SPPL3: variants seen among roughly 807,000 people sequenced by gnomAD.
SPPL3 encodes the protein signal peptide peptidase-like 3.
Under a neutral mutation model 42.4 loss-of-function variants are expected in SPPL3, and 5 were observed. The observed-to-expected ratio is 0.12, with a 90% CI of 0.06 to 0.25. The LOEUF is 0.25. Among genes scored for constraint, SPPL3 ranks in the 10% least tolerant of loss-of-function variants. The probability of loss-of-function intolerance (pLI) is 1.00; values close to 1 mark genes in which losing one functional copy is unlikely to be tolerated. For synonymous variants in SPPL3, 195 were observed against 181.8 expected (o/e 1.07, Z -0.58); for missense variants, 235 against 489.0 (o/e 0.48, Z 4.90).
In SPPL3 at chr12:120,764,993, G is replaced by A; in HGVS notation, c.*6C>T. 6.2e-7 allele frequency: 1 copy of A among 1,613,662 alleles called. No homozygotes were observed. The highest frequency in any genetic ancestry group is 1.1e-5 in the South Asian group (1 of 90,972). ...ACGGCCATCTGGTCACTTTCCACGT[G>A]ATCCATCATACTTCCAGGAATCGGG... On this transcript the variant is annotated 3_prime_UTR_variant, in exon 11 of 11. Coordinates refer to ENST00000353487, the MANE Select transcript of SPPL3 (RefSeq NM_139015.5).
chr12:120,806,495 T>C (rs965575733), intron 2 of SPPL3, among the ~76,000 whole-genome samples: 1 of 151,874 alleles, frequency 6.6e-6, no homozygotes, highest in Non-Finnish European at 1.5e-5. Context: ...TACATAAAAA[T>C]TAACTCAAAA....
chr12:120,876,887 A>T (rs1873118669), intron 1 of SPPL3, among the ~76,000 whole-genome samples: 1 of 151,950 alleles, frequency 6.6e-6, no homozygotes, highest in South Asian at 2.1e-4. Flanking sequence ...ATGAGTGCAG[A>T]CATCAAAAAA....
chr12:120,852,765 T>TC (rs1397266236), intron 1 of SPPL3, among the ~76,000 whole-genome samples: 4 of 76,888 alleles, frequency 5.2e-5, no homozygotes, highest in Non-Finnish European at 6.0e-5. Flanking sequence ...TATATCTATG[T>TC]ATATTATATA....
At chr12:120,859,362 T>A (rs949173135) in intron 1 of SPPL3, among the ~76,000 whole-genome samples, 10 of 152,148 alleles carry the variant, frequency 6.6e-5, no homozygotes, top group Admixed American at 6.5e-4. Flanking sequence ...TACTGTGCTA[T>A]GAGAGAAAAA....
intron 1 of SPPL3, among the ~76,000 whole-genome samples, chr12:120,889,216 G>A (rs931892425): frequency 6.6e-5 from 10 of 152,254 alleles, no homozygotes; most frequent in African/African-American, 1.9e-4. Flanking sequence ...TATATGAAAT[G>A]CTTCATTTTA....
At chr12:120,768,266 G>C in intron 8 of SPPL3, 59 bp downstream of exon 8, 1 of 1,551,914 alleles carries the variant, frequency 6.4e-7, no homozygotes, top group Non-Finnish European at 8.7e-7. Flanking sequence ...GACTGATCAA[G>C]GCCGGGAACA....
At chr12:120,772,813 G>C (rs1354068409) in intron 6 of SPPL3, among the ~76,000 whole-genome samples, 1 of 152,150 alleles carries the variant, frequency 6.6e-6, no homozygotes, top group Non-Finnish European at 1.5e-5. Flanking sequence ...ATTCAACCTA[G>C]GAAGAGCAAA....
intron 1 of SPPL3, among the ~76,000 whole-genome samples, chr12:120,868,960 T>C (rs1052970602): frequency 6.6e-6 from 1 of 152,214 alleles, no homozygotes; most frequent in Non-Finnish European, 1.5e-5. Flanking sequence ...CTAACATCTG[T>C]TCATAATGAA....
intron 1 of SPPL3, among the ~76,000 whole-genome samples, chr12:120,896,392 AG>A (rs1397909887): frequency 6.6e-6 from 1 of 152,186 alleles, no homozygotes; most frequent in Non-Finnish European, 1.5e-5. Flanking sequence ...GATCATTTAG[AG>A]CCCCTCTGAG....
At chr12:120,832,124 A>G (rs1434257164) in intron 1 of SPPL3, among the ~76,000 whole-genome samples, 1 of 152,184 alleles carries the variant, frequency 6.6e-6, no homozygotes, top group Non-Finnish European at 1.5e-5. Context: ...ACTGTGCTAA[A>G]TAAGTGCTTT....
chr12:120,784,131 GGCTGACAATGGCCTCTAT>G (rs1869634623), intron 4 of SPPL3: 1 of 252,504 alleles, frequency 4.0e-6, no homozygotes, highest in African/African-American at 2.3e-5. Flanking sequence ...CGTGGGTAGA[GGCTGACAATGGCCTCTAT>G]GCCAAGCTCA....
chr12:120,823,841 T>C (rs1472451760), intron 1 of SPPL3, among the ~76,000 whole-genome samples: 1 of 152,046 alleles, frequency 6.6e-6, no homozygotes, highest in Non-Finnish European at 1.5e-5. Flanking sequence ...ACTATAGTCA[T>C]TGTGTTTTAT....
chr12:120,836,754 T>C (rs1265954281), intron 1 of SPPL3, among the ~76,000 whole-genome samples: 1 of 152,180 alleles, frequency 6.6e-6, no homozygotes, highest in Non-Finnish European at 1.5e-5. Flanking sequence ...TTAGTTCCAT[T>C]CACTATCCTG....
chr12:120,766,141 C>A (rs896996277), intron 10 of SPPL3, 122 bp downstream of exon 10: 4 of 680,948 alleles, frequency 5.9e-6, no homozygotes, highest in Non-Finnish European at 7.2e-6. Context: ...CACACACACA[C>A]AGTCGAGATC....
At chr12:120,831,349 T>TG (rs1156295108) in intron 1 of SPPL3, among the ~76,000 whole-genome samples, 1 of 152,174 alleles carries the variant, frequency 6.6e-6, no homozygotes, top group Admixed American at 6.5e-5. Context: ...TCTATTTCTC[T>TG]GGAGAACCCT....
chr12:120,898,208 A>G (rs1384928919), intron 1 of SPPL3, among the ~76,000 whole-genome samples: 1 of 149,756 alleles, frequency 6.7e-6, no homozygotes, highest in Non-Finnish European at 1.5e-5. Flanking sequence ...GGAGACTGAG[A>G]CACGAGAATT....
At chr12:120,805,335 A>C (rs891812338) in intron 2 of SPPL3, among the ~76,000 whole-genome samples, 16 of 152,218 alleles carry the variant, frequency 1.1e-4, no homozygotes, top group African/African-American at 3.9e-4. Flanking sequence ...TCCAATACCC[A>C]TTCATGATAA....
At chr12:120,837,380 G>A (rs759895883) in intron 1 of SPPL3, among the ~76,000 whole-genome samples, 15 of 152,096 alleles carry the variant, frequency 9.9e-5, no homozygotes, top group Non-Finnish European at 1.9e-4. Flanking sequence ...AAATTGGAGC[G>A]CATTTTATAA....
chr12:120,862,907 C>T (rs1450452784), intron 1 of SPPL3, among the ~76,000 whole-genome samples: 11 of 152,158 alleles, frequency 7.2e-5, no homozygotes, highest in Admixed American at 7.2e-4. Flanking sequence ...TAAGACTCAG[C>T]TCATTAGCAT....
Sources: gnomAD v4.1 joint callset for allele counts (sites outside exome capture counted in the v4.1 genomes callset) on GRCh38, gnomAD v4.1.1 for gene constraint, MANE v1.5 for transcripts, NCBI Gene and HGNC (gene_info 2026-07-23, HGNC 2026-07-21) for gene names.